The following HDAC1 variants were observed in gnomAD, a reference collection of about 807,000 sequenced individuals.
HDAC1 encodes the protein histone deacetylase 1, also known as protein deacetylase HDAC1.
Under a neutral mutation model 65.5 loss-of-function variants are expected in HDAC1, and 18 were observed. The ratio of observed to expected loss-of-function variants is 0.27; its 90% CI spans 0.19 to 0.41. HDAC1 has a LOEUF of 0.41. Ranked by LOEUF, HDAC1 falls within the 10% of genes least tolerant of loss-of-function variation. HDAC1 has a pLI of 1.00. For synonymous variants in HDAC1, 211 were observed against 227.9 expected (o/e 0.93, Z 0.67); for missense variants, 373 against 625.2 (o/e 0.60, Z 4.30).
rs1641326142 is a variant in HDAC1, at chr1:32,333,343, G to GC, written c.*300dup. On this transcript the variant is annotated 3_prime_UTR_variant, in exon 14 of 14. Transcript: ENST00000373548. Reference sequence around the variant, plus strand: ...CAAACTCCTGAAATGCCAAGTGCCTGCTTAGTAGCTTTGGAAAGGTGCCCT... The same window carrying GC: ...CAAACTCCTGAAATGCCAAGTGCCTGCCTTAGTAGCTTTGGAAAGGTGCCCT... 4.3e-6 allele frequency: 1 copy of GC among 235,184 alleles called. No individual in the cohort carries two copies. The highest frequency in any genetic ancestry group is 9.1e-5 in the South Asian group (1 of 11,010). The allele number at this position is 235,184 out of a possible 1,614,324, so 14.6% of individuals were successfully genotyped here.
In HDAC1 at chr1:32,327,857, G is replaced by T; in HGVS notation, c.636+180G>T. 1.6e-6 allele frequency: 1 copy of T among 640,938 alleles called. No homozygotes were observed. The highest frequency in any genetic ancestry group is 2.3e-5 in the Admixed American group (1 of 43,140). 39.7% of individuals were successfully genotyped at this position (640,938 alleles called of 1,614,324 possible). On this transcript the variant is annotated intron_variant, in intron 6 of 13. Coordinates refer to ENST00000373548, the MANE Select transcript of HDAC1 (RefSeq NM_004964.3). The surrounding 1 kb of genome is among the most constrained non-coding windows in gnomAD (Gnocchi z 6.0). ...CCTTATTCTGGAGGAAGGGAATGAT[G>T]GGACATAAAGGGCCAGAGAAAGAAG...
intron 2 of HDAC1, among the ~76,000 whole-genome samples, chr1:32,308,675 C>T (rs576097348): frequency 6.6e-5 from 10 of 152,126 alleles, no homozygotes; most frequent in Admixed American, 1.3e-4. Context: ...CCTGCCACCA[C>T]GCCTGGCTAA....
At chr1:32,326,053 C>T (rs1641213102) in intron 4 of HDAC1, among the ~76,000 whole-genome samples, 1 of 152,046 alleles carries the variant, frequency 6.6e-6, no homozygotes, top group South Asian at 2.1e-4. Context: ...TTAACACTGC[C>T]ACAAATGCAC....
intron 12 of HDAC1, 141 bp downstream of exon 12, chr1:32,332,383 C>T: frequency 2.6e-6 from 2 of 778,014 alleles, no homozygotes; most frequent in East Asian, 2.5e-5. Flanking sequence ...CAGTGGCTCC[C>T]AGAAGTGGCA....
intron 2 of HDAC1, among the ~76,000 whole-genome samples, chr1:32,306,192 C>CTT (rs59708330): frequency 1.3e-4 from 18 of 137,494 alleles, no homozygotes; most frequent in Non-Finnish European, 2.4e-4. Context: ...TTTTCTTTTT[C>CTT]TTTTTTTTTT....
In HDAC1 at chr1:32,329,874, G is replaced by C. The variant is rs1002646012; in HGVS notation, c.730-704G>C. ...GCAGTAAGGGTGGCATTTAGTAGAA[G>C]GAATGGCACTAGCAGAAGTGCAGAG... is the stretch of plus-strand genomic sequence containing the variant. On this transcript the variant is annotated intron_variant, in intron 7 of 13. Transcript: ENST00000373548. This position sits in a 1 kb window ranked among gnomAD's most constrained non-coding sequence, Gnocchi z 4.1. 2 of 156,468 alleles carry C rather than the reference G, an allele frequency of 1.3e-5. No individual in the cohort carries two copies. The highest frequency in any genetic ancestry group is 4.8e-5 in the African/African-American group (2 of 41,472). 9.7% of individuals were successfully genotyped at this position (156,468 alleles called of 1,614,324 possible).
chr1:32,332,831 G>C, intron 13 of HDAC1, 82 bp downstream of exon 13: 1 of 1,318,366 alleles, frequency 7.6e-7, no homozygotes, highest in South Asian at 1.3e-5. Context: ...GAAAGGCACA[G>C]GGACAGCTGG....
chr1:32,309,228 G>A (rs1640954829), intron 2 of HDAC1, among the ~76,000 whole-genome samples: 1 of 152,196 alleles, frequency 6.6e-6, no homozygotes, highest in Non-Finnish European at 1.5e-5. Flanking sequence ...AGTAGACCAA[G>A]CAAACATGCA....
chr1:32,300,424 A>T (rs1640831582), intron 1 of HDAC1, among the ~76,000 whole-genome samples: 1 of 152,062 alleles, frequency 6.6e-6, no homozygotes, highest in Non-Finnish European at 1.5e-5. Context: ...ATTTGGTGGC[A>T]CGCACCTGTA....
At chr1:32,304,041 C>T (rs1640881948) in intron 2 of HDAC1, among the ~76,000 whole-genome samples, 1 of 152,126 alleles carries the variant, frequency 6.6e-6, no homozygotes, top group African/African-American at 2.4e-5. Context: ...TAGGAACGGG[C>T]ATGCATTTTA....
rs1641304660 is a variant in HDAC1, at chr1:32,332,336, G to A, written c.1372+94G>A. The A allele has an allele frequency of 1.0e-5, 12 of 1,164,474 alleles. No individual in the cohort carries two copies. The Middle Eastern group carries it at 6.5e-4, about 63-fold the overall frequency. The allele number at this position is 1,164,474 out of a possible 1,614,324, so 72.1% of individuals were successfully genotyped here. On this transcript the variant is annotated intron_variant, in intron 12 of 13. Coordinates refer to ENST00000373548, the MANE Select transcript of HDAC1 (RefSeq NM_004964.3). ...GGAGGGAGTGACTCAGGCCCTGCCA[G>A]CTCCTGTGGGGCTCTTCCTCAGTTC...
chr1:32,296,912 A>G (rs770766313), intron 1 of HDAC1, among the ~76,000 whole-genome samples: 1 of 152,190 alleles, frequency 6.6e-6, no homozygotes, highest in South Asian at 2.1e-4. Context: ...ACCTTCAACA[A>G]ATTCCTTTGT....
At chr1:32,325,342 A>C (rs569011996) in intron 4 of HDAC1, among the ~76,000 whole-genome samples, 2 of 152,172 alleles carry the variant, frequency 1.3e-5, no homozygotes, top group African/African-American at 4.8e-5. Context: ...TCCCCCACCA[A>C]TATAATCATT....
In HDAC1 at chr1:32,330,476, G is replaced by A. The variant is rs1570041062; in HGVS notation, c.730-102G>A. The A allele has an allele frequency of 1.3e-6, 1 of 792,936 alleles. No individual in the cohort carries two copies. The highest frequency in any genetic ancestry group is 2.2e-6 in the Non-Finnish European group (1 of 446,326). 49.1% of individuals were successfully genotyped at this position (792,936 alleles called of 1,614,324 possible). ...TCTCCCACATAGCATGAGGGAGAGT[G>A]GAAAGGTAGGAGTGGGTGGGAAAGT... is the stretch of plus-strand genomic sequence containing the variant. On this transcript the variant is annotated intron_variant, in intron 7 of 13. Coordinates refer to ENST00000373548, the MANE Select transcript of HDAC1 (RefSeq NM_004964.3). The surrounding 1 kb of genome is among the most constrained non-coding windows in gnomAD (Gnocchi z 4.2).
intron 1 of HDAC1, among the ~76,000 whole-genome samples, chr1:32,298,982 G>C (rs1425866796): frequency 6.6e-6 from 1 of 152,166 alleles, no homozygotes; most frequent in Non-Finnish European, 1.5e-5. Flanking sequence ...CTGGGTGACA[G>C]AGTGAGACTC....
chr1:32,297,297 T>C (rs540055804), intron 1 of HDAC1, among the ~76,000 whole-genome samples: 1 of 152,246 alleles, frequency 6.6e-6, no homozygotes, highest in African/African-American at 2.4e-5. Flanking sequence ...ATCCCAGTAG[T>C]TTGGGAGGCC....
chr1:32,296,793 A>C (rs1640772094), intron 1 of HDAC1, among the ~76,000 whole-genome samples: 2 of 152,212 alleles, frequency 1.3e-5, no homozygotes, highest in Admixed American at 1.3e-4. Context: ...CTTATGGAAA[A>C]TAGCCAGAAG....
chr1:32,304,539 C>T (rs1024951149), intron 2 of HDAC1, among the ~76,000 whole-genome samples: 1 of 152,094 alleles, frequency 6.6e-6, no homozygotes, highest in Non-Finnish European at 1.5e-5. Flanking sequence ...GCTAGGACTA[C>T]AGGCAGGCAC....
chr1:32,330,458 C>A lies in HDAC1; in HGVS notation c.730-120C>A. The A allele has an allele frequency of 1.3e-6, 1 of 741,682 alleles. No individual in the cohort carries two copies. The highest frequency in any genetic ancestry group is 2.4e-6 in the Non-Finnish European group (1 of 413,252). 45.9% of individuals were successfully genotyped at this position (741,682 alleles called of 1,614,324 possible). ...GCCTAGCACTCCCTTTTCTCTCCCA[C>A]ATAGCATGAGGGAGAGTGGAAAGGT... is the stretch of plus-strand genomic sequence containing the variant. On this transcript the variant is annotated intron_variant, in intron 7 of 13. Transcript: ENST00000373548. The surrounding 1 kb of genome is among the most constrained non-coding windows in gnomAD (Gnocchi z 4.2).
Sources: allele counts gnomAD v4.1 joint callset (sites outside exome capture counted in the v4.1 genomes callset), GRCh38; gene constraint gnomAD v4.1.1; non-coding constraint Gnocchi (gnomAD v3.1); transcripts MANE v1.5; gene names NCBI Gene and HGNC (gene_info 2026-07-23, HGNC 2026-07-21).